COL6A3: variants seen among roughly 807,000 people sequenced by gnomAD.
COL6A3 encodes collagen type VI alpha 3 chain, also known as collagen alpha-3(VI) chain.
A neutral mutation model predicts 274.1 loss-of-function variants in COL6A3; 137 were observed. The observed-to-expected ratio is 0.50, with a 90% CI of 0.44 to 0.58. The LOEUF is 0.58. Ranked by LOEUF, COL6A3 falls within the 20% of genes least tolerant of loss-of-function variation. The pLI, the probability that COL6A3 is intolerant of heterozygous loss-of-function variation, is 0.00. For missense variants in COL6A3, 3,950 were observed against 4,124.9 expected, an observed-to-expected ratio of 0.96 and a Z score of 1.16; for synonymous variants, 1,650 against 1,650.6, an observed-to-expected ratio of 1.00 and a Z score of 0.01.
At chr2:237,325,533 C>G (rs1699893237) in intron 43 of COL6A3, 27 bp downstream of exon 43, 5 of 1,613,492 alleles carry the variant, frequency 3.1e-6, no homozygotes, top group East Asian at 2.2e-5. Context: ...TTTGCAGAAG[C>G]CATAAACACA....
chr2:237,380,853 T>G, intron 5 of COL6A3, 62 bp downstream of exon 5: 1 of 1,459,078 alleles, frequency 6.9e-7, no homozygotes. Flanking sequence ...CATTTTGTTT[T>G]GTTCTTAAAG....
intron 32 of COL6A3, 49 bp downstream of exon 32, chr2:237,346,454 T>TA: frequency 6.5e-7 from 1 of 1,547,232 alleles, no homozygotes; most frequent in Admixed American, 1.7e-5. Flanking sequence ...GGACCACGTG[T>TA]AAAGCACCCA....
In COL6A3 at chr2:237,352,587, G is replaced by A. The variant is rs757686067; in HGVS notation, c.6691-3C>T. 1.7e-5 allele frequency: 27 copies of A among 1,613,302 alleles called. No homozygotes were observed. In the Admixed American group the frequency reaches 4.0e-4, roughly 24 times the overall value. Reference sequence around the variant, plus strand: ...GGACCAGCAGGACCAGCTGGGCCCTGAGGAAGGAAAAGACCATCGTGAGTG... The same window carrying A: ...GGACCAGCAGGACCAGCTGGGCCCTAAGGAAGGAAAAGACCATCGTGAGTG... On this transcript the variant is annotated splice_polypyrimidine_tract_variant and splice_region_variant and intron_variant, in intron 25 of 43. Transcript: ENST00000295550.
At position 237,358,531 on chromosome 2, in the gene COL6A3, C is replaced by T. The variant is rs145561490; in HGVS notation, c.6461G>A (p.Arg2154Gln). 48 of 1,613,868 alleles carry T rather than the reference C, an allele frequency of 3.0e-5. No homozygotes were observed. The highest frequency in any genetic ancestry group is 1.7e-4 in the Admixed American group (10 of 60,010). The change falls in exon 21 of 44, where the codon CGA becomes CAA. Residue 2154 changes from arginine to glutamine, a missense_variant. Coordinates refer to ENST00000295550, the MANE Select transcript of COL6A3 (RefSeq NM_004369.4). Reference sequence around the variant, plus strand: ...TAAAGAAATCTTTACCGGGTCCCCTCGAATCCCAACATCTCCTCTTTCTCC... The same window carrying T: ...TAAAGAAATCTTTACCGGGTCCCCTTGAATCCCAACATCTCCTCTTTCTCC... Reference protein sequence around the residue: ...EKGERGDVGIRGDPGNPGQDS... With the variant: ...EKGERGDVGIQGDPGNPGQDS...
intron 20 of COL6A3, 39 bp from the exon 21 acceptor site, chr2:237,358,622 T>C (rs2077369464): frequency 1.9e-6 from 3 of 1,542,918 alleles, no homozygotes; most frequent in Admixed American, 1.7e-5. Flanking sequence ...AAACTAGATG[T>C]TTCCATTTTT....
At chr2:237,331,962 C>G (rs1232791748) in intron 42 of COL6A3, among the ~76,000 whole-genome samples, 1 of 148,470 alleles carries the variant, frequency 6.7e-6, no homozygotes, top group Non-Finnish European at 1.5e-5. Context: ...GCTCTTTTCT[C>G]TTTATCACAG....
intron 36 of COL6A3, chr2:237,343,907 G>T (rs2077045158): frequency 3.5e-6 from 1 of 286,984 alleles, no homozygotes; most frequent in Non-Finnish European, 6.8e-6. Flanking sequence ...TGAGACTGAT[G>T]ATACAAACCT....
chr2:237,342,618 T>TAATTATTGC, intron 36 of COL6A3: 1 of 170,412 alleles, frequency 5.9e-6, no homozygotes. Context: ...GTGCAAAGAG[T>TAATTATTGC]CCTGTCTATC....
Position 237,325,617 on chromosome 2 carries a change from C to T in COL6A3, c.9436G>A (p.Gly3146Ser), listed in dbSNP as rs773512000. 1 of 1,614,184 alleles carries T rather than the reference C, an allele frequency of 6.2e-7. No homozygotes were observed. Among genetic ancestry groups the T allele is most frequent in the East Asian group, 2.2e-5 (1 of 44,880 alleles). Reference protein sequence around the residue: ...SCARFWYGGCGGNENKFGSQK... With the variant: ...SCARFWYGGCSGNENKFGSQK... ...GATCCAAATTTGTTTTCGTTTCCAC[C>T]ACAACCTCCATACCAGAATCTTGCA... The change falls in exon 43 of 44, where the codon GGT becomes AGT. Residue 3146 changes from glycine (G) to serine (S), a missense_variant. This residue lies in a region of COL6A3 where 1,284 missense variants were observed against 1,349.7 expected (regional missense o/e 0.95). Transcript: ENST00000295550.
At chr2:237,372,364 C>T (rs1455089036) in intron 8 of COL6A3, 27 bp from the exon 9 acceptor site, 2 of 1,601,076 alleles carry the variant, frequency 1.2e-6, no homozygotes, top group Non-Finnish European at 8.5e-7. Context: ...AGCATGGCTT[C>T]ACCTTCATCG....
At chr2:237,391,635 C>T (rs567508473) in intron 3 of COL6A3, among the ~76,000 whole-genome samples, 2 of 152,186 alleles carry the variant, frequency 1.3e-5, no homozygotes, top group Non-Finnish European at 2.9e-5. Context: ...TGGATTCAAG[C>T]GATTCTCCTG....
At chr2:237,360,045 C>A in intron 17 of COL6A3, 43 bp downstream of exon 17, 2 of 1,603,146 alleles carry the variant, frequency 1.2e-6, no homozygotes, top group Non-Finnish European at 1.7e-6. Context: ...TGCGAGTCAC[C>A]TGACCCCTCC....
chr2:237,333,567 T>C lies in COL6A3; in HGVS notation c.9230-19A>G. On this transcript the variant is annotated intron_variant, in intron 41 of 43. Transcript: ENST00000295550. Reference sequence around the variant, plus strand: ...GATTTCTCTATAAAAGAAAAATATATGCAACTCGTAGGTAAATCAGAAACA... The same window carrying C: ...GATTTCTCTATAAAAGAAAAATATACGCAACTCGTAGGTAAATCAGAAACA... 5.6e-6 allele frequency: 9 copies of C among 1,601,926 alleles called. No homozygotes were observed. The highest frequency in any genetic ancestry group is 7.7e-6 in the Non-Finnish European group (9 of 1,169,012).
chr2:237,339,180 A>G lies in COL6A3; in HGVS notation c.8465-63T>C, dbSNP rs2076933265. The G allele has an allele frequency of 3.4e-6, 4 of 1,178,362 alleles. No homozygotes were observed. In the East Asian group the frequency reaches 9.3e-5, roughly 28 times the overall value. The allele number at this position is 1,178,362 out of a possible 1,614,324, so 73.0% of individuals were successfully genotyped here. Reference sequence around the variant, plus strand: ...GCTAATAACATGAAAATTAAAATTAATCTGTCAACAAGTTAAATGAATCAC... The same window carrying G: ...GCTAATAACATGAAAATTAAAATTAGTCTGTCAACAAGTTAAATGAATCAC... On this transcript the variant is annotated intron_variant, in intron 38 of 43. Coordinates refer to ENST00000295550, the MANE Select transcript of COL6A3 (RefSeq NM_004369.4).
In COL6A3 at chr2:237,374,680, G is replaced by A. The variant is rs368285658; in HGVS notation, c.3411C>T (p.Ile1137=). The change falls in exon 8 of 44, where the codon ATC becomes ATT. Residue 1137 remains isoleucine (I), a synonymous_variant. Transcript: ENST00000295550. The surrounding 1 kb of genome is among the most constrained non-coding windows in gnomAD (Gnocchi z 4.8). ...RITEGVPQLL[I]VLTADRSGDD... Reference sequence around the variant, plus strand: ...CCCCAGACCTGTCGGCCGTGAGGACGATCAGCAGCTGGGGCACACCTTCTG... The same window carrying A: ...CCCCAGACCTGTCGGCCGTGAGGACAATCAGCAGCTGGGGCACACCTTCTG... 67 of 1,613,836 alleles carry A rather than the reference G, an allele frequency of 4.2e-5. No individual in the cohort carries two copies. The highest frequency in any genetic ancestry group is 4.7e-5 in the Non-Finnish European group (55 of 1,179,808).
Position 237,363,359 on chromosome 2 carries a change from A to C in COL6A3, c.5957T>G (p.Val1986Gly), listed in dbSNP as rs558534346. The C allele has an allele frequency of 6.2e-7, 1 of 1,614,142 alleles. No individual in the cohort carries two copies. The highest frequency in any genetic ancestry group is 2.2e-5 in the East Asian group (1 of 44,888). Reference protein sequence around the residue: ...ALILVGLERVVNLERLMHLEF... With the variant: ...ALILVGLERVGNLERLMHLEF... ...CAGATGCATTAGCCGCTCCAAGTTG[A>C]CCACTCGTTCAAGGCCCACCAGGAT... Residue 1986 changes from valine (V) to glycine (G), a missense_variant, in exon 14 of 44, where the codon GTC becomes GGC. By Grantham distance (109) the Val-to-Gly change is moderately radical. Around this residue, in one of 5 missense-constraint regions of COL6A3, gnomAD observed 632 missense variants for 623.4 expected, o/e 1.01. Coordinates refer to ENST00000295550, the MANE Select transcript of COL6A3 (RefSeq NM_004369.4).
intron 4 of COL6A3, among the ~76,000 whole-genome samples, chr2:237,382,529 C>A (rs1310964311): frequency 6.6e-6 from 1 of 152,170 alleles, no homozygotes; most frequent in Non-Finnish European, 1.5e-5. Flanking sequence ...AGGCACCCTG[C>A]CCATATTGCA....
intron 3 of COL6A3, among the ~76,000 whole-genome samples, chr2:237,389,972 G>A (rs182108642): frequency 1.3e-5 from 2 of 152,270 alleles, no homozygotes; most frequent in East Asian, 1.9e-4. Flanking sequence ...GTGCCAGGGG[G>A]TGTGAATTAC....
chr2:237,386,978 T>A (rs1041442878), intron 4 of COL6A3, among the ~76,000 whole-genome samples: 5 of 152,078 alleles, frequency 3.3e-5, no homozygotes, highest in Non-Finnish European at 5.9e-5. Context: ...TGTATCCTAA[T>A]ATTGCCACTC....
Sources: allele counts gnomAD v4.1 joint callset (sites outside exome capture counted in the v4.1 genomes callset), GRCh38; gene constraint gnomAD v4.1.1; regional missense constraint gnomAD v4.1.1; non-coding constraint Gnocchi (gnomAD v3.1); transcripts MANE v1.5; gene names NCBI Gene and HGNC (gene_info 2026-07-23, HGNC 2026-07-21).